The following SMG7 variants were observed in gnomAD, a reference collection of about 807,000 sequenced individuals.
SMG7 encodes nonsense-mediated mRNA decay factor SMG7.
SMG7 carries 34 observed loss-of-function variants against 148.2 expected under a neutral mutation model. The ratio of observed to expected loss-of-function variants is 0.23; its 90% confidence interval spans 0.17 to 0.31. The LOEUF (loss-of-function observed/expected upper bound fraction) is 0.31. SMG7 is among the 10% of genes least tolerant of loss of function. SMG7 has a pLI of 1.00. For synonymous variants in SMG7, 492 were observed against 515.1 expected, an observed-to-expected ratio of 0.96 and a Z score of 0.61; for missense variants, 1,114 against 1,408.4, an observed-to-expected ratio of 0.79 and a Z score of 3.35.
chr1:183,524,013 A>G (rs1188173361), intron 4 of SMG7, among the ~76,000 whole-genome samples: 3 of 149,356 alleles, frequency 2.0e-5, no homozygotes, highest in Admixed American at 6.7e-5. Context: ...TGCTTTTTCT[A>G]TTTCTTAACC....
At chr1:183,514,188 C>G (rs1336080258) in intron 2 of SMG7, among the ~76,000 whole-genome samples, 5 of 111,326 alleles carry the variant, frequency 4.5e-5, no homozygotes, top group Admixed American at 1.0e-4. Context: ...TCTAATTTCT[C>G]AATAATTTAG....
In SMG7 at chr1:183,472,519, G is replaced by A; in HGVS notation, c.-102G>A. Reference sequence around the variant, plus strand: ...GCGAGGAGGAGCCGGAGGAGAGGAAGATGGCGGCGGCCGCCAGCACCCGCG... The same window carrying A: ...GCGAGGAGGAGCCGGAGGAGAGGAAAATGGCGGCGGCCGCCAGCACCCGCG... On this transcript the variant is annotated 5_prime_UTR_variant, in exon 1 of 23. Coordinates refer to ENST00000688051, the MANE Select transcript of SMG7 (RefSeq NM_001375584.1). 5 of 1,152,174 alleles carry A rather than the reference G, an allele frequency of 4.3e-6. No homozygotes were observed. Among genetic ancestry groups the A allele is most frequent in the Non-Finnish European group, 2.3e-6 (2 of 870,354 alleles). 71.4% of individuals were successfully genotyped at this position (1,152,174 alleles called of 1,614,324 possible).
At chr1:183,493,826 C>T (rs182002826) in intron 1 of SMG7, among the ~76,000 whole-genome samples, 24 of 152,220 alleles carry the variant, frequency 1.6e-4, no homozygotes, top group Non-Finnish European at 3.1e-4. Flanking sequence ...GTGATCTGCC[C>T]GCCCTGGCCT....
intron 15 of SMG7, 65 bp from the exon 16 acceptor site, chr1:183,544,865 A>T: frequency 2.6e-6 from 4 of 1,544,864 alleles, no homozygotes; most frequent in Non-Finnish European, 3.5e-6. Context: ...TTAAAAAAAA[A>T]ATGACTTTTT....
chr1:183,549,228 C>T lies in SMG7; in HGVS notation c.2913C>T (p.Pro971=), dbSNP rs140632242. ...RSLFKSLLEK[P]SELMSHSSSF... is the part of the protein sequence containing the mutation. ...TGAAGAAATCCTTATTGGAGAAGCC[C>T]TCAGAGCTCATGTCACATTCATCCT... Residue 971 remains proline (P), a synonymous_variant, in exon 19 of 23, where the codon CCC becomes CCT. Transcript: ENST00000688051. 9 of 1,613,446 alleles carry T rather than the reference C, an allele frequency of 5.6e-6. No homozygotes were observed. The highest frequency in any genetic ancestry group is 1.3e-5 in the African/African-American group (1 of 74,870).
chr1:183,477,523 T>C (rs1313810745), intron 1 of SMG7, among the ~76,000 whole-genome samples: 2 of 151,508 alleles, frequency 1.3e-5, no homozygotes, highest in Non-Finnish European at 2.9e-5. Flanking sequence ...TATACATGTG[T>C]GTGCATATGT....
intron 1 of SMG7, among the ~76,000 whole-genome samples, chr1:183,492,426 TC>T (rs1294335608): frequency 6.6e-6 from 1 of 152,234 alleles, no homozygotes; most frequent in Non-Finnish European, 1.5e-5. Context: ...TGCATGTCTT[TC>T]CTTTGACTAC....
intron 1 of SMG7, chr1:183,502,354 T>C (rs1339217670): frequency 6.5e-7 from 1 of 1,534,722 alleles, no homozygotes; most frequent in Non-Finnish European, 8.7e-7. Flanking sequence ...GACCGAAAAC[T>C]TGAAATCAGA....
At chr1:183,541,174 G>A (rs552510037) in intron 13 of SMG7, 71 bp downstream of exon 13, 25 of 1,325,712 alleles carry the variant, frequency 1.9e-5, no homozygotes, top group Admixed American at 7.6e-5. Context: ...GCACACGCGC[G>A]CGCACACACA....
At chr1:183,517,562 C>T in intron 3 of SMG7, 126 bp from the exon 4 acceptor site, 1 of 903,598 alleles carries the variant, frequency 1.1e-6, no homozygotes, top group East Asian at 2.5e-5. Context: ...AAATGAATAA[C>T]TTTAATGCAG....
At chr1:183,494,142 C>A (rs1657786143) in intron 1 of SMG7, among the ~76,000 whole-genome samples, 2 of 152,130 alleles carry the variant, frequency 1.3e-5, no homozygotes, top group African/African-American at 4.8e-5. Context: ...CATACGCCAC[C>A]ATGCCTGCCT....
intron 1 of SMG7, chr1:183,501,410 A>T (rs1659681042): frequency 6.6e-6 from 1 of 152,096 alleles, no homozygotes; most frequent in African/African-American, 2.4e-5. Context: ...ACTATATTAT[A>T]CTCCCATTTT....
At chr1:183,497,868 C>A (rs1658886322) in intron 1 of SMG7, among the ~76,000 whole-genome samples, 1 of 152,060 alleles carries the variant, frequency 6.6e-6, no homozygotes, top group Non-Finnish European at 1.5e-5. Flanking sequence ...CTGCACCTGG[C>A]CAAAATTATT....
chr1:183,545,492 G>A (rs1457813307), intron 16 of SMG7, among the ~76,000 whole-genome samples, 180 bp downstream of exon 16: 1 of 152,156 alleles, frequency 6.6e-6, no homozygotes, highest in East Asian at 1.9e-4. Context: ...CCTTACTCTT[G>A]TAAAGGATAA....
intron 1 of SMG7, among the ~76,000 whole-genome samples, chr1:183,488,058 C>T (rs1182416000): frequency 6.6e-6 from 1 of 152,190 alleles, no homozygotes; most frequent in Non-Finnish European, 1.5e-5. Flanking sequence ...TGTCAGTAGC[C>T]TAACATAAAT....
At chr1:183,515,145 C>T (rs1663185036) in intron 2 of SMG7, among the ~76,000 whole-genome samples, 1 of 152,176 alleles carries the variant, frequency 6.6e-6, no homozygotes, top group Non-Finnish European at 1.5e-5. Flanking sequence ...TATGTGTAGT[C>T]ATAGCCTGAC....
chr1:183,472,819 A>G (rs776672816), intron 1 of SMG7, 170 bp downstream of exon 1: 150 of 520,376 alleles, frequency 2.9e-4, no homozygotes, highest in Admixed American at 2.9e-4. Context: ...CGGAACGGGT[A>G]TGGGTGCCTA....
At chr1:183,507,785 A>G (rs1661258734) in intron 1 of SMG7, among the ~76,000 whole-genome samples, 1 of 152,182 alleles carries the variant, frequency 6.6e-6, no homozygotes, top group Admixed American at 6.5e-5. Context: ...GATGTTGATT[A>G]TTCCACGAGT....
chr1:183,505,374 C>T (rs865900338), intron 1 of SMG7, among the ~76,000 whole-genome samples: 26 of 152,218 alleles, frequency 1.7e-4, no homozygotes, highest in African/African-American at 6.0e-4. Context: ...TTTTTGTTCT[C>T]TTATTTTCTA....
Sources: gnomAD v4.1 joint callset for allele counts (sites outside exome capture counted in the v4.1 genomes callset) on GRCh38, gnomAD v4.1.1 for gene constraint, MANE v1.5 for transcripts, NCBI Gene and HGNC (gene_info 2026-07-23, HGNC 2026-07-21) for gene names.